The following PSG6 variants were observed in gnomAD, a reference collection of about 807,000 sequenced individuals.
The protein encoded by PSG6 is pregnancy specific beta-1-glycoprotein 6.
In PSG6, 51 loss-of-function variants were observed where a neutral mutation model predicts 43.3. The ratio of observed to expected loss-of-function variants is 1.18; its 90% CI spans 0.94 to 1.49. PSG6 has a LOEUF of 1.49. Among genes scored for constraint, PSG6 ranks in the 40% most tolerant of loss-of-function variants. The pLI, the probability that PSG6 is intolerant of heterozygous loss-of-function variation, is 0.00. For synonymous variants in PSG6, 292 were observed against 197.6 expected (o/e 1.48, Z -4.01); for missense variants, 770 against 522.2 (o/e 1.47, Z -4.62).
In PSG6 at chr19:42,917,751, G is replaced by C. The variant is rs566771307; in HGVS notation, c.42C>G (p.Thr14=). 6.2e-7 allele frequency: 1 copy of C among 1,610,204 alleles called. No individual in the cohort carries two copies. Among genetic ancestry groups the C allele is most frequent in the Non-Finnish European group, 8.5e-7 (1 of 1,177,976 alleles). ...LSAPPCTQHI[T]WKGLLLTASL... is the part of the protein sequence containing the mutation. ...CACCTGTGAGCAGGAGCCCCTTCCA[G>C]GTGATGTGCTGAGTGCAGGGAGGGG... is the stretch of plus-strand genomic sequence containing the variant. Residue 14 remains threonine (T), a synonymous_variant, in exon 1 of 6, where the codon ACC becomes ACG. Coordinates refer to ENST00000187910, the MANE Select transcript of PSG6 (RefSeq NM_001031850.4).
Position 42,917,590 on chromosome 19 carries a change from C to T in PSG6, c.64+139G>A, listed in dbSNP as rs972919653. On this transcript the variant is annotated intron_variant, in intron 1 of 5. Coordinates refer to ENST00000187910, the MANE Select transcript of PSG6 (RefSeq NM_001031850.4). Reference sequence around the variant, plus strand: ...GTGTTGGCCAGACTGATCTTGAACTCCTGATCTCGTGATCCACCCACCTCA... The same window carrying T: ...GTGTTGGCCAGACTGATCTTGAACTTCTGATCTCGTGATCCACCCACCTCA... 6.1e-5 allele frequency: 81 copies of T among 1,338,284 alleles called. No homozygotes were observed. In the Admixed American group the frequency reaches 1.1e-3, roughly 18 times the overall value. The allele number at this position is 1,338,284 out of a possible 1,614,324, so 82.9% of individuals were successfully genotyped here.
In PSG6 at chr19:42,907,718, G is replaced by C. The variant is rs750316162; in HGVS notation, c.843C>G (p.Val281=). The C allele has an allele frequency of 6.2e-7, 1 of 1,610,864 alleles. No homozygotes were observed. Among genetic ancestry groups the C allele is most frequent in the Non-Finnish European group, 8.5e-7 (1 of 1,179,120 alleles). ...IWWLNGQSLP[V]SPRVKRPIEN... ...CAATGGGTCGCTTTACCCTCGGACT[G>C]ACCGGGAGGCTCTGACCATTTAGCC... is the stretch of plus-strand genomic sequence containing the variant. The change falls in exon 4 of 6, where the codon GTC becomes GTG. Residue 281 remains valine, a synonymous_variant. Transcript: ENST00000187910.
In PSG6 at chr19:42,916,393, T is replaced by C. The variant is rs1568448345; in HGVS notation, c.159A>G (p.Leu53=). Residue 53 remains leucine, a synonymous_variant, in exon 2 of 6, where the codon CTA becomes CTG. Transcript: ENST00000187910. The stretch of plus-strand genomic sequence containing the variant: ...GATTCTGGGGCAAATTGTGGACAAG[T>C]AGAAGAACATCCTTCCCCTCGGAAA... ...PKVSEGKDVL[L]LVHNLPQNLT... The C allele has an allele frequency of 6.2e-7, 1 of 1,612,134 alleles. No homozygotes were observed. Among genetic ancestry groups the C allele is most frequent in the East Asian group, 2.2e-5 (1 of 44,766 alleles).
At chr19:42,902,488 T>C (rs1481086546) in intron 5 of PSG6, 42 bp from the exon 6 acceptor site, 23 of 1,604,318 alleles carry the variant, frequency 1.4e-5, no homozygotes, top group Non-Finnish European at 2.0e-5. Context: ...TCAAATTCAC[T>C]ACCTCCTTTA....
In PSG6 at chr19:42,905,098, C is replaced by G. The variant is rs567411999; in HGVS notation, c.1240+1824G>C. 2.6e-5 allele frequency among the ~76,000 whole-genome samples: 4 copies of G among 151,666 alleles called. 1 individual carries two copies. In the South Asian group the frequency reaches 8.4e-4, roughly 32 times the overall value. ...TATCCAAGGGCAAGAAGAGTGGAACCTTTACCTAACACCATGTACAAAAAT... is the reference window on the plus strand; with the variant it reads ...TATCCAAGGGCAAGAAGAGTGGAACGTTTACCTAACACCATGTACAAAAAT... On this transcript the variant is annotated intron_variant, in intron 5 of 5. Transcript: ENST00000187910.
chr19:42,908,241 CT>C (rs1972156290), intron 3 of PSG6, among the ~76,000 whole-genome samples: 4 of 151,768 alleles, frequency 2.6e-5, no homozygotes, highest in South Asian at 4.2e-4. Context: ...CTTTGCCCCC[CT>C]AGATGTGATT....
Position 42,905,182 on chromosome 19 carries a change from G to A in PSG6, c.1240+1740C>T, listed in dbSNP as rs191345069. ...AGTAAAAACTATACAACTCTTAGAA[G>A]AAAAACTTCATGATAGTGGATTTCA... On this transcript the variant is annotated intron_variant, in intron 5 of 5. Coordinates refer to ENST00000187910, the MANE Select transcript of PSG6 (RefSeq NM_001031850.4). Among the ~76,000 whole-genome samples, 1,483 of 151,720 alleles carry A rather than the reference G, an allele frequency of 9.8e-3. 36 individuals are homozygous for A. Among genetic ancestry groups the A allele is most frequent in the Non-Finnish European group, 0.012 (839 of 67,892 alleles).
chr19:42,906,578 A>C (rs1972115861), intron 5 of PSG6: 1 of 1,328,556 alleles, frequency 7.5e-7, no homozygotes, highest in Non-Finnish European at 9.9e-7. Flanking sequence ...GAAAACAAAG[A>C]CATGGCAGAA....
intron 2 of PSG6, 116 bp from the exon 3 acceptor site, chr19:42,910,974 C>A: frequency 6.6e-7 from 1 of 1,507,108 alleles, no homozygotes; most frequent in Non-Finnish European, 8.9e-7. Context: ...CCTTAAAAGC[C>A]CATGGCAGGT....
chr19:42,907,084 G>T lies in PSG6; in HGVS notation c.1078C>A (p.Pro360Thr). Residue 360 changes from proline (P) to threonine (T), a missense_variant, in exon 5 of 6, where the codon CCG becomes ACG. Pro to Thr is a conservative substitution (Grantham distance 38). Coordinates refer to ENST00000187910, the MANE Select transcript of PSG6 (RefSeq NM_001031850.4). ...DLSCFADSNP[P>T]AEYSWTINGK... Reference sequence around the variant, plus strand: ...TTAATTGTCCAAGAATACTCTGCCGGTGGGTTAGAGTCCGCAAAGCAGGAC... The same window carrying T: ...TTAATTGTCCAAGAATACTCTGCCGTTGGGTTAGAGTCCGCAAAGCAGGAC... 6.2e-7 allele frequency: 1 copy of T among 1,612,744 alleles called. No homozygotes were observed. Among genetic ancestry groups the T allele is most frequent in the Non-Finnish European group, 8.5e-7 (1 of 1,179,270 alleles).
intron 2 of PSG6, among the ~76,000 whole-genome samples, chr19:42,911,196 C>T (rs553067751): frequency 9.2e-5 from 14 of 151,618 alleles, no homozygotes; most frequent in African/African-American, 3.1e-4. Flanking sequence ...TTGGTCCTTA[C>T]TTGGGGCATG....
At chr19:42,907,899 C>G (rs776942861) in intron 3 of PSG6, 45 bp from the exon 4 acceptor site, 1 of 1,598,954 alleles carries the variant, frequency 6.3e-7, no homozygotes. Flanking sequence ...CCTTTGATTC[C>G]TCCACAGGCA....
intron 5 of PSG6, 133 bp from the exon 6 acceptor site, chr19:42,902,579 T>A (rs1972052198): frequency 8.1e-7 from 1 of 1,237,314 alleles, no homozygotes; most frequent in African/African-American, 1.5e-5. Context: ...TTAACTCCAA[T>A]GGGTGACTGG....
intron 3 of PSG6, among the ~76,000 whole-genome samples, chr19:42,908,866 A>G (rs1568443810): frequency 6.6e-6 from 1 of 151,678 alleles, no homozygotes; most frequent in Non-Finnish European, 1.5e-5. Flanking sequence ...CAGATTGAAT[A>G]TGAGACGAGG....
chr19:42,905,896 G>A (rs1972103491), intron 5 of PSG6, among the ~76,000 whole-genome samples: 1 of 151,528 alleles, frequency 6.6e-6, no homozygotes. Flanking sequence ...AAAGTAGAAT[G>A]GTGGGTGTTA....
rs191065093 is a variant in PSG6 at position 42,914,800 on chromosome 19, G to T, written c.427+1325C>A. On this transcript the variant is annotated intron_variant, in intron 2 of 5. Coordinates refer to ENST00000187910, the MANE Select transcript of PSG6 (RefSeq NM_001031850.4). The stretch of plus-strand genomic sequence containing the variant: ...GTCTCTCTCACTGGGCCTGTGCTGA[G>T]GCAGGGTGTGAGTGGGGAAAGAAAA... Among the ~76,000 whole-genome samples the T allele has an allele frequency of 7.1e-4, 107 of 151,752 alleles. 4 individuals are homozygous for T. Among genetic ancestry groups the T allele is most frequent in the East Asian group, 9.7e-4 (5 of 5,160 alleles).
chr19:42,902,493 C>T (rs2122612793), intron 5 of PSG6, 47 bp from the exon 6 acceptor site: 1 of 1,600,732 alleles, frequency 6.2e-7, no homozygotes, highest in Non-Finnish European at 8.5e-7. Flanking sequence ...TTCACTACCT[C>T]CTTTACAGAG....
intron 2 of PSG6, among the ~76,000 whole-genome samples, chr19:42,914,258 C>T (rs953019704): frequency 4.6e-5 from 7 of 151,376 alleles, no homozygotes; most frequent in Non-Finnish European, 1.0e-4. Flanking sequence ...CAGGTGATTT[C>T]TGCACCTTTC....
At chr19:42,909,069 A>G (rs1409514438) in intron 3 of PSG6, among the ~76,000 whole-genome samples, 5 of 151,748 alleles carry the variant, frequency 3.3e-5, no homozygotes, top group Non-Finnish European at 1.5e-5. Context: ...TTGATTCTCA[A>G]ATATTTGTCA....
Sources: allele counts gnomAD v4.1 joint callset (sites outside exome capture counted in the v4.1 genomes callset), GRCh38; gene constraint gnomAD v4.1.1; transcripts MANE v1.5; gene names NCBI Gene and HGNC (gene_info 2026-07-23, HGNC 2026-07-21).